Variants in MACROD2 observed in about 807,000 individuals in gnomAD.
MACROD2 encodes the protein ADP-ribose glycohydrolase MACROD2.
MACROD2 carries 36 observed loss-of-function variants against 70.4 expected under a neutral mutation model. The observed-to-expected ratio is 0.51, with a 90% CI of 0.39 to 0.68. MACROD2 has a LOEUF of 0.68. Ranked by LOEUF, MACROD2 falls within the 30% of genes least tolerant of loss-of-function variation. The pLI is 0.00. For missense variants in MACROD2, 496 were observed against 538.4 expected (o/e 0.92, Z 0.78); for synonymous variants, 172 against 178.8 (o/e 0.96, Z 0.30).
chr20:14,446,154 TTC>T (rs2084179790), intron 3 of MACROD2, among the ~76,000 whole-genome samples: 1 of 152,060 alleles, frequency 6.6e-6, no homozygotes, highest in Non-Finnish European at 1.5e-5. Context: ...TTGCCACACT[TTC>T]TCTCTCACTC....
At chr20:15,399,476 C>G (rs73901022) in intron 6 of MACROD2, among the ~76,000 whole-genome samples, 8,290 of 152,224 alleles carry the variant, frequency 0.054, 595 homozygotes, top group African/African-American at 0.16. Flanking sequence ...TACTATTCTA[C>G]TATCCCTCCT....
At chr20:15,375,904 G>A (rs1236425478) in intron 6 of MACROD2, among the ~76,000 whole-genome samples, 1 of 152,092 alleles carries the variant, frequency 6.6e-6, no homozygotes, top group African/African-American at 2.4e-5. Flanking sequence ...AACCAGGTCT[G>A]TCTTTTCCCA....
intron 7 of MACROD2, among the ~76,000 whole-genome samples, chr20:15,444,552 C>A (rs1361533984): frequency 6.6e-6 from 1 of 152,054 alleles, no homozygotes; most frequent in Non-Finnish European, 1.5e-5. Flanking sequence ...TTTCTTGAAA[C>A]ATGGTCTGTA....
At chr20:14,813,570 A>G (rs1329530657) in intron 5 of MACROD2, among the ~76,000 whole-genome samples, 2 of 152,046 alleles carry the variant, frequency 1.3e-5, no homozygotes, top group Non-Finnish European at 1.5e-5. Context: ...TCCATGGTGT[A>G]TATGTACCAC....
chr20:15,664,966 G>A (rs1259671130), intron 8 of MACROD2, among the ~76,000 whole-genome samples: 1 of 152,130 alleles, frequency 6.6e-6, no homozygotes, highest in African/African-American at 2.4e-5. Context: ...TTATGATAGG[G>A]CATCCGTGGA....
chr20:14,122,895 A>G (rs1249185750), intron 3 of MACROD2, among the ~76,000 whole-genome samples: 1 of 152,144 alleles, frequency 6.6e-6, no homozygotes, highest in Non-Finnish European at 1.5e-5. Context: ...ACTCCTTTCC[A>G]GTATGTGAGA....
At chr20:15,642,248 T>C (rs1471144117) in intron 8 of MACROD2, among the ~76,000 whole-genome samples, 1 of 152,232 alleles carries the variant, frequency 6.6e-6, no homozygotes, top group Non-Finnish European at 1.5e-5. Context: ...GTTCAGCATC[T>C]GTCCTCGGTT....
At chr20:14,290,414 A>G (rs1029959299) in intron 3 of MACROD2, among the ~76,000 whole-genome samples, 3 of 152,126 alleles carry the variant, frequency 2.0e-5, no homozygotes, top group Admixed American at 1.3e-4. Context: ...CCCAAAACAG[A>G]GCAGCTGTCC....
Position 14,982,024 on chromosome 20 carries a change from A to G in MACROD2, c.419-247916A>G, listed in dbSNP as rs140640628. ...CTTTGACAAAAATGCTGATAGTGAT[A>G]TGAACAATAAGGTCCAGGCTGTGGT... On this transcript the variant is annotated intron_variant, in intron 5 of 17. Coordinates refer to ENST00000684519, the MANE Select transcript of MACROD2 (RefSeq NM_001351661.2). 5.2e-3 allele frequency among the ~76,000 whole-genome samples: 795 copies of G among 152,270 alleles called. 7 individuals carry two copies. The highest frequency in any genetic ancestry group is 0.018 in the African/African-American group (751 of 41,556).
rs1450387892 is a variant in MACROD2 at position 14,806,301 on chromosome 20, G to A, written c.418+121342G>A. Reference sequence around the variant, plus strand: ...TTAGACAGTGGGTGCAGCCCATGGAGGGCGACCAGAAGCAGGGTGGGGCGT... The same window carrying A: ...TTAGACAGTGGGTGCAGCCCATGGAAGGCGACCAGAAGCAGGGTGGGGCGT... On this transcript the variant is annotated intron_variant, in intron 5 of 17. Coordinates refer to ENST00000684519, the MANE Select transcript of MACROD2 (RefSeq NM_001351661.2). Among the ~76,000 whole-genome samples the A allele has an allele frequency of 1.3e-5, 2 of 152,092 alleles. 1 individual carries two copies. Among genetic ancestry groups the A allele is most frequent in the Non-Finnish European group, 2.9e-5 (2 of 67,988 alleles).
At chr20:14,211,015 C>T (rs897184638) in intron 3 of MACROD2, among the ~76,000 whole-genome samples, 1 of 152,172 alleles carries the variant, frequency 6.6e-6, no homozygotes, top group Non-Finnish European at 1.5e-5. Flanking sequence ...TGATACTTTT[C>T]TTTCAGAGTT....
intron 8 of MACROD2, among the ~76,000 whole-genome samples, chr20:15,641,294 C>T (rs1211615685): frequency 6.6e-6 from 1 of 152,144 alleles, no homozygotes; most frequent in Admixed American, 6.6e-5. Context: ...CACTTTGGGC[C>T]TTTGGTGCTG....
chr20:14,210,753 T>A (rs1224437042), intron 3 of MACROD2, among the ~76,000 whole-genome samples: 2 of 152,226 alleles, frequency 1.3e-5, no homozygotes, highest in African/African-American at 2.4e-5. Flanking sequence ...CAATTAAAAT[T>A]GTAACCTGTG....
At chr20:15,976,446 G>A (rs939783904) in intron 13 of MACROD2, among the ~76,000 whole-genome samples, 10 of 152,224 alleles carry the variant, frequency 6.6e-5, no homozygotes, top group African/African-American at 2.4e-4. Context: ...AGGGATTAGG[G>A]CAGAGGACAG....
intron 8 of MACROD2, among the ~76,000 whole-genome samples, chr20:15,639,626 TG>T (rs1159917714): frequency 6.6e-6 from 1 of 152,166 alleles, no homozygotes; most frequent in African/African-American, 2.4e-5. Flanking sequence ...AGCCAGCTTT[TG>T]GGTATCTCTC....
intron 8 of MACROD2, among the ~76,000 whole-genome samples, chr20:15,507,389 C>CTCCTTCCT (rs10659185): frequency 2.0e-5 from 3 of 146,788 alleles, no homozygotes; most frequent in Non-Finnish European, 4.5e-5. Flanking sequence ...CCTTCCCTCC[C>CTCCTTCCT]TCCTTCCTTC....
intron 5 of MACROD2, 100 bp from the exon 6 acceptor site, chr20:15,229,840 G>A: frequency 8.1e-7 from 1 of 1,231,742 alleles, no homozygotes. Context: ...CTTGTCTCCA[G>A]GCTCTAACAC....
chr20:14,919,929 A>G (rs1468881827), intron 5 of MACROD2, among the ~76,000 whole-genome samples: 2 of 152,160 alleles, frequency 1.3e-5, no homozygotes, highest in African/African-American at 2.4e-5. Context: ...CCTATGAGCA[A>G]TCATTCTAGT....
At chr20:15,682,310 A>T (rs1326508560) in intron 8 of MACROD2, among the ~76,000 whole-genome samples, 1 of 152,218 alleles carries the variant, frequency 6.6e-6, no homozygotes. Flanking sequence ...GTTGAACAAA[A>T]CAGTAAGATA....
Sources: gnomAD v4.1 joint callset for allele counts (sites outside exome capture counted in the v4.1 genomes callset) on GRCh38, gnomAD v4.1.1 for gene constraint, MANE v1.5 for transcripts, NCBI Gene and HGNC (gene_info 2026-07-23, HGNC 2026-07-21) for gene names.